Variants in TTC28 observed in about 807,000 individuals in gnomAD.
TTC28 encodes tetratricopeptide repeat domain 28, also known as tetratricopeptide repeat protein 28.
A neutral mutation model predicts 198.0 loss-of-function variants in TTC28; 61 were observed. The ratio of observed to expected loss-of-function variants is 0.31; its 90% CI spans 0.25 to 0.38. The LOEUF (loss-of-function observed/expected upper bound fraction) is 0.38. Ranked by LOEUF, TTC28 falls within the 10% of genes least tolerant of loss-of-function variation. The probability of loss-of-function intolerance (pLI) is 1.00; values close to 1 mark genes in which losing one functional copy is unlikely to be tolerated. For synonymous variants in TTC28, 1,171 were observed against 1,297.8 expected, an observed-to-expected ratio of 0.90 and a Z score of 2.10; for missense variants, 2,678 against 3,164.0, an observed-to-expected ratio of 0.85 and a Z score of 3.69.
At chr22:28,459,268 C>A (rs2047912076) in intron 2 of TTC28, among the ~76,000 whole-genome samples, 1 of 151,826 alleles carries the variant, frequency 6.6e-6, no homozygotes, top group African/African-American at 2.4e-5. Context: ...CTCTACCCAA[C>A]AAAATACAAA....
chr22:28,379,416 T>C (rs749664625), intron 2 of TTC28, among the ~76,000 whole-genome samples: 1 of 152,102 alleles, frequency 6.6e-6, no homozygotes, highest in Non-Finnish European at 1.5e-5. Flanking sequence ...ATGTGATATA[T>C]ACATATAATG....
chr22:28,618,870 TCA>T (rs1248276329), intron 2 of TTC28, among the ~76,000 whole-genome samples: 1 of 151,950 alleles, frequency 6.6e-6, no homozygotes, highest in Non-Finnish European at 1.5e-5. Flanking sequence ...AGAAAATATA[TCA>T]CACATATTAA....
intron 12 of TTC28, among the ~76,000 whole-genome samples, chr22:28,093,391 G>C (rs572511892): frequency 2.0e-5 from 3 of 152,196 alleles, no homozygotes; most frequent in African/African-American, 7.2e-5. Context: ...CAGATCTTCC[G>C]AACCCTTGGT....
chr22:28,342,255 T>C (rs2045843569), intron 2 of TTC28, among the ~76,000 whole-genome samples: 1 of 152,204 alleles, frequency 6.6e-6, no homozygotes, highest in Non-Finnish European at 1.5e-5. Context: ...AGCTTGAGAT[T>C]CAGACTCAAA....
At chr22:28,419,950 A>T (rs2047222691) in intron 2 of TTC28, among the ~76,000 whole-genome samples, 1 of 152,222 alleles carries the variant, frequency 6.6e-6, no homozygotes, top group African/African-American at 2.4e-5. Context: ...ACAGGGTATT[A>T]ATTCACAGAT....
rs1206103801 is a variant in TTC28, at chr22:28,210,192, A to G, written c.934-46593T>C. The stretch of plus-strand genomic sequence containing the variant: ...AAAACCACAAAGATGCGGAGACACC[A>G]GAGCAGAAAAGCTGAAAATTCTAAA... On this transcript the variant is annotated intron_variant, in intron 5 of 22. Coordinates refer to ENST00000397906, the MANE Select transcript of TTC28 (RefSeq NM_001145418.2). Among the ~76,000 whole-genome samples the G allele has an allele frequency of 3.3e-5, 5 of 152,346 alleles. No homozygotes were observed. The East Asian group carries it at 9.6e-4, about 29-fold the overall frequency.
At chr22:28,186,830 A>C (rs1316580398) in intron 5 of TTC28, among the ~76,000 whole-genome samples, 2 of 152,144 alleles carry the variant, frequency 1.3e-5, no homozygotes, top group Non-Finnish European at 2.9e-5. Flanking sequence ...TGAGGTGCTG[A>C]GTGATGGTAG....
At chr22:28,286,682 T>C (rs999774635) in intron 5 of TTC28, among the ~76,000 whole-genome samples, 1 of 152,172 alleles carries the variant, frequency 6.6e-6, no homozygotes, top group Non-Finnish European at 1.5e-5. Context: ...ACAAGTAGTA[T>C]GGGAATACAG....
chr22:28,048,478 A>T (rs974449498), intron 12 of TTC28, among the ~76,000 whole-genome samples: 2 of 152,120 alleles, frequency 1.3e-5, no homozygotes, highest in African/African-American at 4.8e-5. Flanking sequence ...GATTGGAGCA[A>T]GTTAGGATGG....
At chr22:28,521,800 T>A (rs566017717) in intron 2 of TTC28, among the ~76,000 whole-genome samples, 51 of 152,198 alleles carry the variant, frequency 3.4e-4, no homozygotes, top group African/African-American at 1.2e-3. Context: ...GAGCAGGAAA[T>A]CTTTGAAAAG....
intron 12 of TTC28, among the ~76,000 whole-genome samples, chr22:28,032,310 GTATA>G (rs545147948): frequency 7.1e-6 from 1 of 140,310 alleles, no homozygotes; most frequent in Non-Finnish European, 1.5e-5. Context: ...GTGTGTGTTT[GTATA>G]TATATATCTC....
chr22:28,390,276 T>C (rs2046693586), intron 2 of TTC28, among the ~76,000 whole-genome samples: 1 of 152,100 alleles, frequency 6.6e-6, no homozygotes, highest in Non-Finnish European at 1.5e-5. Flanking sequence ...TGTGGTCAAT[T>C]TTGGAACAGG....
chr22:28,384,973 T>A (rs754002107), intron 2 of TTC28, among the ~76,000 whole-genome samples: 2 of 151,608 alleles, frequency 1.3e-5, no homozygotes, highest in African/African-American at 2.4e-5. Context: ...TGAAACCCCA[T>A]CTCTACTAAA....
intron 2 of TTC28, among the ~76,000 whole-genome samples, chr22:28,606,057 C>T (rs912992200): frequency 6.6e-6 from 1 of 151,280 alleles, no homozygotes; most frequent in Non-Finnish European, 1.5e-5. Context: ...TCACATTGTA[C>T]TCCATAATAT....
At position 28,679,752 on chromosome 22, in the gene TTC28, C is replaced by A. The variant is rs924735639; in HGVS notation, c.-29G>T. ...CACGGGGCCCGGGCCGCGTCCGCCT[C>A]GAGCTAACGGTCCCGCCAGCTAGGC... On this transcript the variant is annotated 5_prime_UTR_variant, in exon 1 of 23. Transcript: ENST00000397906. 1.7e-6 allele frequency: 2 copies of A among 1,155,076 alleles called. No homozygotes were observed. The highest frequency in any genetic ancestry group is 4.2e-5 in the South Asian group (1 of 23,704). The allele number at this position is 1,155,076 out of a possible 1,614,324, so 71.6% of individuals were successfully genotyped here. A position where few individuals can be genotyped will look rare whatever the true frequency, so the allele number is the denominator to read the frequency against.
intron 2 of TTC28, among the ~76,000 whole-genome samples, chr22:28,389,577 G>T (rs1026270718): frequency 1.3e-5 from 2 of 149,922 alleles, no homozygotes; most frequent in African/African-American, 2.4e-5. Flanking sequence ...TTGGGAGGGT[G>T]TATGTGTCGA....
Position 28,094,591 on chromosome 22 carries a change from A to G in TTC28, c.3767-346T>C, listed in dbSNP as rs190061626. 9.3e-4 allele frequency among the ~76,000 whole-genome samples: 142 copies of G among 152,324 alleles called. 1 individual carries two copies. The highest frequency in any genetic ancestry group is 3.2e-3 in the African/African-American group (135 of 41,576). On this transcript the variant is annotated intron_variant, in intron 11 of 22. Coordinates refer to ENST00000397906, the MANE Select transcript of TTC28 (RefSeq NM_001145418.2). ...AGTCTCCTTTCAGGAATAGTGCATGAGTATGCCAGGATATATTCCTTATAG... is the reference window on the plus strand; with the variant it reads ...AGTCTCCTTTCAGGAATAGTGCATGGGTATGCCAGGATATATTCCTTATAG...
intron 2 of TTC28, among the ~76,000 whole-genome samples, chr22:28,597,062 A>T (rs1164877619): frequency 1.3e-5 from 2 of 152,142 alleles, no homozygotes; most frequent in African/African-American, 4.8e-5. Context: ...GATTCAGTTA[A>T]ATTTAATCTC....
chr22:28,602,125 A>C (rs558180199), intron 2 of TTC28, among the ~76,000 whole-genome samples: 1 of 152,320 alleles, frequency 6.6e-6, no homozygotes, highest in African/African-American at 2.4e-5. Context: ...AGTCCAAAGG[A>C]AAGCACATGG....
Sources: gnomAD v4.1 joint callset for allele counts (sites outside exome capture counted in the v4.1 genomes callset) on GRCh38, gnomAD v4.1.1 for gene constraint, MANE v1.5 for transcripts, NCBI Gene and HGNC (gene_info 2026-07-23, HGNC 2026-07-21) for gene names.